Variants in GNG7 observed in about 807,000 individuals in gnomAD.
GNG7 encodes guanine nucleotide-binding protein G(I)/G(S)/G(O) subunit gamma-7.
Under a neutral mutation model 4.0 loss-of-function variants are expected in GNG7, and 1 was observed. The ratio of observed to expected loss-of-function variants is 0.25; its 90% CI spans 0.09 to 1.18. GNG7 has a LOEUF of 1.18. Ranked by LOEUF, GNG7 falls within the 50% of genes most tolerant of loss-of-function variation. The pLI is 0.50. For synonymous variants in GNG7, 34 were observed against 36.9 expected (o/e 0.92, Z 0.29); for missense variants, 86 against 91.9 (o/e 0.94, Z 0.26).
chr19:2,592,313 G>A (rs1980869609), intron 2 of GNG7, among the ~76,000 whole-genome samples: 1 of 151,264 alleles, frequency 6.6e-6, no homozygotes. Flanking sequence ...TCAAAAGGCT[G>A]AAAAGTAGAG....
chr19:2,536,770 C>T (rs965524947), intron 3 of GNG7, among the ~76,000 whole-genome samples: 4 of 152,094 alleles, frequency 2.6e-5, no homozygotes, highest in African/African-American at 7.2e-5. Context: ...GCGGTTTCCC[C>T]TGTGCTCCAC....
At chr19:2,597,984 G>A (rs907259831) in intron 2 of GNG7, among the ~76,000 whole-genome samples, 5 of 152,014 alleles carry the variant, frequency 3.3e-5, no homozygotes, top group Non-Finnish European at 7.4e-5. Context: ...ATTGCTGTAC[G>A]TATCTATGTG....
chr19:2,621,487 A>G (rs1285607552), intron 2 of GNG7, among the ~76,000 whole-genome samples: 3 of 151,934 alleles, frequency 2.0e-5, no homozygotes, highest in Non-Finnish European at 4.4e-5. Flanking sequence ...CACCTGAGAT[A>G]AGGAGTTCGA....
At chr19:2,622,431 A>G (rs889740528) in intron 2 of GNG7, among the ~76,000 whole-genome samples, 3 of 152,232 alleles carry the variant, frequency 2.0e-5, no homozygotes, top group Non-Finnish European at 4.4e-5. Context: ...GCAGAAGTCA[A>G]TGGTCAGTAA....
At chr19:2,608,696 C>T (rs1377023987) in intron 2 of GNG7, among the ~76,000 whole-genome samples, 1 of 152,192 alleles carries the variant, frequency 6.6e-6, no homozygotes, top group Non-Finnish European at 1.5e-5. Flanking sequence ...GTCTCAAAGG[C>T]CTTCCCTGCA....
At chr19:2,526,492 G>C (rs1978401087) in intron 3 of GNG7, among the ~76,000 whole-genome samples, 1 of 144,178 alleles carries the variant, frequency 6.9e-6, no homozygotes, top group Admixed American at 7.2e-5. Context: ...TTATATATTT[G>C]TTTACTCATA....
rs1310428837 is a variant in GNG7, at chr19:2,696,356, AAAAG to A, written c.-135+6286_-135+6289del. 5.5e-3 allele frequency among the ~76,000 whole-genome samples: 810 copies of A among 146,664 alleles called. 11 individuals carry two copies. The highest frequency in any genetic ancestry group is 0.019 in the African/African-American group (718 of 37,610). On this transcript the variant is annotated intron_variant, in intron 1 of 4. Transcript: ENST00000382159. ...AAAGAAAGAAAGAAAGAAAAGAAAG[AAAAG>A]AAAGAAAGAAAGGAAAGGAAGGGAA...
At chr19:2,549,745 C>CTGTGACCAGGAGGGAGG (rs1979256279) in intron 3 of GNG7, among the ~76,000 whole-genome samples, 1 of 152,116 alleles carries the variant, frequency 6.6e-6, no homozygotes, top group Admixed American at 6.6e-5. Context: ...GGAGGAAACA[C>CTGTGACCAGGAGGGAGG]AAGGCTGCTG....
chr19:2,678,888 T>C (rs8105469), intron 1 of GNG7, among the ~76,000 whole-genome samples: 45,962 of 151,844 alleles, frequency 0.3, 7,811 homozygotes, highest in East Asian at 0.56. Flanking sequence ...CAACAGCTTC[T>C]CATGACGGTC....
chr19:2,633,495 A>ACGCGCG lies in GNG7; in HGVS notation c.-78+12728_-78+12729insCGCGCG, dbSNP rs1373633322. On this transcript the variant is annotated intron_variant, in intron 2 of 4. Transcript: ENST00000382159. The surrounding 1 kb of genome is among the most constrained non-coding windows in gnomAD (Gnocchi z 5.9). ...GGCGCGCGCGCGCGCGCGCACACAC[A>ACGCGCG]CACACACACACACACACACACACAC... is the stretch of plus-strand genomic sequence containing the variant. 1.0e-4 allele frequency among the ~76,000 whole-genome samples: 12 copies of ACGCGCG among 114,436 alleles called. No homozygotes were observed. Among genetic ancestry groups the ACGCGCG allele is most frequent in the African/African-American group, 4.4e-4 (12 of 27,456 alleles). 75.1% of individuals were successfully genotyped at this position (114,436 alleles called of 152,430 possible).
chr19:2,676,000 C>T (rs955296050), intron 1 of GNG7, among the ~76,000 whole-genome samples: 3 of 152,262 alleles, frequency 2.0e-5, no homozygotes, highest in Admixed American at 2.0e-4. Flanking sequence ...AATCCAATAA[C>T]TGATGTCCTT....
At chr19:2,533,152 T>G (rs1978646629) in intron 3 of GNG7, among the ~76,000 whole-genome samples, 1 of 151,290 alleles carries the variant, frequency 6.6e-6, no homozygotes, top group Non-Finnish European at 1.5e-5. Context: ...TGTATGATTC[T>G]CAAAAATATA....
chr19:2,609,083 G>A lies in GNG7; in HGVS notation c.-78+37141C>T, dbSNP rs1170946480. ...ACTCCATCTTCCAGGCTGGAGTGCA[G>A]TGGTGCGATCTTGGCTCACCGCAAC... On this transcript the variant is annotated intron_variant, in intron 2 of 4. Transcript: ENST00000382159. The surrounding 1 kb of genome is among the most constrained non-coding windows in gnomAD (Gnocchi z 4.4). Among the ~76,000 whole-genome samples, 2 of 151,986 alleles carry A rather than the reference G, an allele frequency of 1.3e-5. No homozygotes were observed. The highest frequency in any genetic ancestry group is 1.3e-4 in the Admixed American group (2 of 15,250).
intron 1 of GNG7, among the ~76,000 whole-genome samples, chr19:2,673,288 C>CAAAA (rs1198125183): frequency 7.3e-6 from 1 of 136,918 alleles, no homozygotes. Flanking sequence ...CAAAACAAAA[C>CAAAA]AAAAAAAAAC....
At chr19:2,597,170 G>C (rs1352358955) in intron 2 of GNG7, among the ~76,000 whole-genome samples, 5 of 137,300 alleles carry the variant, frequency 3.6e-5, no homozygotes, top group African/African-American at 1.4e-4. Context: ...ACTGAGGCGG[G>C]AGGATTGCTT....
intron 2 of GNG7, among the ~76,000 whole-genome samples, chr19:2,601,290 G>A (rs142482340): frequency 2.0e-5 from 3 of 152,246 alleles, no homozygotes; most frequent in Non-Finnish European, 2.9e-5. Flanking sequence ...AAACCATGGG[G>A]CACAAGTAGG....
intron 2 of GNG7, among the ~76,000 whole-genome samples, chr19:2,594,378 A>G (rs1304909547): frequency 6.8e-6 from 1 of 147,272 alleles, no homozygotes; most frequent in Non-Finnish European, 1.5e-5. Context: ...CCCTCAAGAA[A>G]GAAAGAAAGA....
At chr19:2,628,350 C>T (rs1158278445) in intron 2 of GNG7, among the ~76,000 whole-genome samples, 1 of 152,116 alleles carries the variant, frequency 6.6e-6, no homozygotes, top group Admixed American at 6.6e-5. Context: ...GAATGAGGTC[C>T]CTGTTTACCT....
chr19:2,552,411 GTC>G (rs1979359681), intron 3 of GNG7, among the ~76,000 whole-genome samples: 2 of 151,962 alleles, frequency 1.3e-5, no homozygotes, highest in Admixed American at 1.3e-4. Context: ...TTGAGACAGA[GTC>G]TCGCTCTGTT....
Sources: allele counts gnomAD v4.1 joint callset (sites outside exome capture counted in the v4.1 genomes callset), GRCh38; gene constraint gnomAD v4.1.1; non-coding constraint Gnocchi (gnomAD v3.1); transcripts MANE v1.5; gene names NCBI Gene and HGNC (gene_info 2026-07-23, HGNC 2026-07-21).